Variants in CNGA1 observed in about 807,000 individuals in gnomAD.
The protein encoded by CNGA1 is cyclic nucleotide gated channel subunit alpha 1, also known as cyclic nucleotide-gated channel alpha-1.
A neutral mutation model predicts 69.7 loss-of-function variants in CNGA1; 53 were observed. The observed-to-expected ratio is 0.76, with a 90% CI of 0.61 to 0.96. The LOEUF is 0.96. Among genes scored for constraint, CNGA1 ranks in the 40% least tolerant of loss-of-function variants. The probability of loss-of-function intolerance (pLI) is 0.00; values close to 1 mark genes in which losing one functional copy is unlikely to be tolerated. For synonymous variants in CNGA1, 249 were observed against 283.5 expected, an observed-to-expected ratio of 0.88 and a Z score of 1.22; for missense variants, 739 against 811.2, an observed-to-expected ratio of 0.91 and a Z score of 1.08.
At chr4:47,943,694 C>A (rs1301468656) in intron 6 of CNGA1, among the ~76,000 whole-genome samples, 1 of 152,174 alleles carries the variant, frequency 6.6e-6, no homozygotes, top group Non-Finnish European at 1.5e-5. Context: ...TAAGAAACAA[C>A]AGCCCCCCAA....
chr4:47,985,504 A>C (rs1447011339), intron 2 of CNGA1, among the ~76,000 whole-genome samples: 1 of 152,152 alleles, frequency 6.6e-6, no homozygotes, highest in Non-Finnish European at 1.5e-5. Flanking sequence ...AACTTTCTTA[A>C]ATGATTTTAA....
intron 2 of CNGA1, among the ~76,000 whole-genome samples, chr4:47,996,743 G>A (rs1380522470): frequency 1.3e-5 from 2 of 152,066 alleles, no homozygotes; most frequent in Admixed American, 1.3e-4. Flanking sequence ...GAGTATGGTT[G>A]TACCTGAAAA....
chr4:47,985,381 T>C (rs1741934047), intron 2 of CNGA1, among the ~76,000 whole-genome samples: 1 of 152,182 alleles, frequency 6.6e-6, no homozygotes. Flanking sequence ...CATACACAGA[T>C]GATGTGATTA....
chr4:47,960,715 TA>T (rs199999358), intron 3 of CNGA1, among the ~76,000 whole-genome samples: 1 of 104,864 alleles, frequency 9.5e-6, no homozygotes, highest in African/African-American at 2.8e-5. Flanking sequence ...CAATCTGGTT[TA>T]AAAAAAAATG....
chr4:47,979,620 T>C (rs1022284190), intron 3 of CNGA1, among the ~76,000 whole-genome samples: 3 of 152,212 alleles, frequency 2.0e-5, no homozygotes, highest in Non-Finnish European at 4.4e-5. Context: ...TAAATATTTG[T>C]TGAATAAATT....
rs1738703154 is a variant in CNGA1, at chr4:47,937,084, G to C, written c.1398C>G (p.His466Gln). 1 of 1,614,078 alleles carries C rather than the reference G, an allele frequency of 6.2e-7. No individual in the cohort carries two copies. Among genetic ancestry groups the C allele is most frequent in the African/African-American group, 1.3e-5 (1 of 74,924 alleles). The part of the protein sequence containing the change: ...KLRAEIAINV[H>Q]LDTLKKVRIF... ...TGCGTACCTTTTTTAATGTGTCTAAGTGAACGTTGATGGCAATTTCTGCTC... is the reference window on the plus strand; with the variant it reads ...TGCGTACCTTTTTTAATGTGTCTAACTGAACGTTGATGGCAATTTCTGCTC... The change falls in exon 11 of 11, where the codon CAC becomes CAG. Residue 466 changes from histidine to glutamine, a missense_variant. By Grantham distance (24) the His-to-Gln change is conservative. Transcript: ENST00000514170.
chr4:48,009,323 G>A (rs1050581038), intron 2 of CNGA1, among the ~76,000 whole-genome samples: 2 of 151,906 alleles, frequency 1.3e-5, no homozygotes, highest in African/African-American at 2.4e-5. Context: ...AAAATTAGCC[G>A]AGGGTGGTGC....
At chr4:47,983,632 G>C (rs1242624021) in intron 2 of CNGA1, among the ~76,000 whole-genome samples, 1 of 152,016 alleles carries the variant, frequency 6.6e-6, no homozygotes, top group East Asian at 1.9e-4. Context: ...AAAAGAAAAA[G>C]AAAAAGAGAA....
chr4:47,983,954 A>G (rs1427067597), intron 2 of CNGA1, among the ~76,000 whole-genome samples: 2 of 152,214 alleles, frequency 1.3e-5, no homozygotes, highest in South Asian at 2.1e-4. Flanking sequence ...AAAGTACAGT[A>G]TAAGTATATA....
chr4:47,961,267 A>G (rs143810251), intron 3 of CNGA1, among the ~76,000 whole-genome samples: 34 of 152,300 alleles, frequency 2.2e-4, no homozygotes, highest in Non-Finnish European at 4.0e-4. Flanking sequence ...CATTAAAGAT[A>G]CAGCCCTGTC....
chr4:47,998,827 C>A (rs1450457755), intron 2 of CNGA1, among the ~76,000 whole-genome samples: 1 of 152,096 alleles, frequency 6.6e-6, no homozygotes, highest in Non-Finnish European at 1.5e-5. Context: ...AAAAGCCACA[C>A]TTCAATAGCA....
At chr4:48,015,580 C>T (rs1715342847) in intron 1 of CNGA1, among the ~76,000 whole-genome samples, 1 of 152,028 alleles carries the variant, frequency 6.6e-6, no homozygotes, top group African/African-American at 2.4e-5. Flanking sequence ...GGGTTTGAGC[C>T]CGAATTGTTC....
chr4:47,993,523 A>G (rs1295193078), intron 2 of CNGA1, among the ~76,000 whole-genome samples: 1 of 152,022 alleles, frequency 6.6e-6, no homozygotes, highest in African/African-American at 2.4e-5. Flanking sequence ...CTGTGATGTC[A>G]GTTGTAATAT....
chr4:47,988,848 G>A (rs746535295), intron 2 of CNGA1, among the ~76,000 whole-genome samples: 16 of 151,582 alleles, frequency 1.1e-4, no homozygotes, highest in Non-Finnish European at 2.2e-4. Context: ...GTCATCCCTA[G>A]GTATACGTGG....
chr4:47,974,105 TAGATA>T (rs2110203063), intron 3 of CNGA1, among the ~76,000 whole-genome samples: 1 of 148,448 alleles, frequency 6.7e-6, no homozygotes, highest in East Asian at 1.9e-4. Context: ...GATAGATAGA[TAGATA>T]GATAGATAGA....
chr4:47,964,591 AG>A (rs1213541663), intron 3 of CNGA1, among the ~76,000 whole-genome samples: 1 of 152,056 alleles, frequency 6.6e-6, no homozygotes, highest in Non-Finnish European at 1.5e-5. Flanking sequence ...CAAGGTATAC[AG>A]TAGAGATTTA....
chr4:47,996,984 C>T (rs1366761712), intron 2 of CNGA1, among the ~76,000 whole-genome samples: 1 of 152,050 alleles, frequency 6.6e-6, no homozygotes, highest in Non-Finnish European at 1.5e-5. Context: ...CACTTGAACC[C>T]AGGAGGTGGA....
At chr4:47,960,074 A>G (rs924111926) in intron 3 of CNGA1, among the ~76,000 whole-genome samples, 2 of 152,346 alleles carry the variant, frequency 1.3e-5, no homozygotes, top group East Asian at 3.9e-4. Flanking sequence ...CAAATCAACC[A>G]TAAAAACAAC....
intron 1 of CNGA1, among the ~76,000 whole-genome samples, chr4:48,015,333 T>C (rs1020129003): frequency 3.9e-5 from 6 of 152,218 alleles, no homozygotes; most frequent in Non-Finnish European, 7.3e-5. Context: ...GTCATCCATA[T>C]GTATTATAAA....
Sources: allele counts gnomAD v4.1 joint callset (sites outside exome capture counted in the v4.1 genomes callset), GRCh38; gene constraint gnomAD v4.1.1; transcripts MANE v1.5; gene names NCBI Gene and HGNC (gene_info 2026-07-23, HGNC 2026-07-21).